The following NR3C2 variants were observed in gnomAD, a reference collection of about 807,000 sequenced individuals.
NR3C2 encodes mineralocorticoid receptor.
Under a neutral mutation model 86.4 loss-of-function variants are expected in NR3C2, and 15 were observed. That is an observed-to-expected ratio of 0.17 (90% CI 0.12 to 0.27). NR3C2 has a LOEUF of 0.27. Among genes scored for constraint, NR3C2 ranks in the 10% least tolerant of loss-of-function variants. The pLI is 1.00. For synonymous variants in NR3C2, 458 were observed against 450.5 expected (o/e 1.02, Z -0.21); for missense variants, 960 against 1,195.6 (o/e 0.80, Z 2.91).
At position 148,106,710 on chromosome 4, in the gene NR3C2, C is replaced by T. The variant is rs867958542; in HGVS notation, c.2799+7394G>A. Among the ~76,000 whole-genome samples the T allele has an allele frequency of 3.3e-5, 5 of 152,248 alleles. No individual in the cohort carries two copies. The South Asian group carries it at 1.0e-3, about 32-fold the overall frequency. ...AACAGAAACCTCAGAAATAACACTG[C>T]ACATCTACAACCATCTTTTGACCAA... On this transcript the variant is annotated intron_variant, in intron 8 of 8. Transcript: ENST00000358102.
intron 2 of NR3C2, among the ~76,000 whole-genome samples, chr4:148,329,925 GC>G (rs1224749439): frequency 6.6e-6 from 1 of 152,156 alleles, no homozygotes; most frequent in African/African-American, 2.4e-5. Context: ...TGGGTTGTTC[GC>G]TCTAATCACT....
intron 2 of NR3C2, among the ~76,000 whole-genome samples, chr4:148,379,251 T>C (rs1033076385): frequency 1.8e-5 from 2 of 113,380 alleles, no homozygotes; most frequent in Non-Finnish European, 4.1e-5. Context: ...AAATCAAGTG[T>C]TTTTTTTTTT....
At chr4:148,377,055 A>C (rs1746714671) in intron 2 of NR3C2, among the ~76,000 whole-genome samples, 2 of 152,220 alleles carry the variant, frequency 1.3e-5, no homozygotes, top group South Asian at 4.1e-4. Flanking sequence ...TACCAATATA[A>C]AAGACAACAT....
At chr4:148,245,570 T>TAATA (rs1466859220) in intron 3 of NR3C2, among the ~76,000 whole-genome samples, 1 of 152,194 alleles carries the variant, frequency 6.6e-6, no homozygotes, top group East Asian at 1.9e-4. Flanking sequence ...CAGTAGCATT[T>TAATA]AATAAATGCT....
chr4:148,149,352 T>G (rs2149761568), intron 6 of NR3C2, among the ~76,000 whole-genome samples: 1 of 152,174 alleles, frequency 6.6e-6, no homozygotes, highest in East Asian at 1.9e-4. Context: ...ACCTTTTCTT[T>G]TTTTTTGTTT....
intron 2 of NR3C2, among the ~76,000 whole-genome samples, chr4:148,299,195 C>G (rs1742206927): frequency 6.6e-6 from 1 of 152,088 alleles, no homozygotes; most frequent in Admixed American, 6.5e-5. Context: ...ACACAAGAAC[C>G]TAGATTTTAG....
At chr4:148,310,026 A>G (rs889081599) in intron 2 of NR3C2, among the ~76,000 whole-genome samples, 1 of 152,246 alleles carries the variant, frequency 6.6e-6, no homozygotes, top group Non-Finnish European at 1.5e-5. Context: ...CTTAAAAAAA[A>G]CTATCCTACT....
intron 3 of NR3C2, among the ~76,000 whole-genome samples, chr4:148,246,585 CTT>C (rs1482906142): frequency 6.6e-6 from 1 of 152,106 alleles, no homozygotes; most frequent in Non-Finnish European, 1.5e-5. Flanking sequence ...GAGCGTCGCT[CTT>C]GTTGCCCAGG....
chr4:148,238,033 C>A (rs1045099111), intron 3 of NR3C2, among the ~76,000 whole-genome samples: 5 of 152,262 alleles, frequency 3.3e-5, no homozygotes, highest in Middle Eastern at 3.4e-3. Context: ...AGGACGCCAT[C>A]AAATATGCTT....
At chr4:148,408,250 C>G (rs534169927) in intron 2 of NR3C2, among the ~76,000 whole-genome samples, 3 of 152,138 alleles carry the variant, frequency 2.0e-5, no homozygotes, top group Non-Finnish European at 4.4e-5. Context: ...AGGGGCCAAG[C>G]CAGGCCTCAA....
At chr4:148,442,626 C>G (rs957156533), upstream of NR3C2, 107 of 984,806 alleles carry the variant, frequency 1.1e-4, no homozygotes, top group Middle Eastern at 2.1e-3. Flanking sequence ...ACGGGTCAGG[C>G]GGGCTTCTTA....
At chr4:148,349,532 T>A (rs968070837) in intron 2 of NR3C2, among the ~76,000 whole-genome samples, 13 of 152,096 alleles carry the variant, frequency 8.5e-5, no homozygotes, top group African/African-American at 3.1e-4. Flanking sequence ...CCATAAAGGT[T>A]CCTACAAAAT....
chr4:148,373,058 A>G (rs1746496123), intron 2 of NR3C2, among the ~76,000 whole-genome samples: 1 of 152,212 alleles, frequency 6.6e-6, no homozygotes, highest in African/African-American at 2.4e-5. Context: ...TAATGGAATT[A>G]AACATTACTT....
In NR3C2 at chr4:148,081,905, G is replaced by A. The variant is rs577252769; in HGVS notation, c.2800-406C>T. On this transcript the variant is annotated intron_variant, in intron 8 of 8. Transcript: ENST00000358102. ...GGTGGGCTGGTGGGAAGGGGCAAGT[G>A]CTGGCCCAGGGTCTAAGCACCACAG... 1.1e-4 allele frequency among the ~76,000 whole-genome samples: 17 copies of A among 152,358 alleles called. No homozygotes were observed. The South Asian group carries it at 3.1e-3, about 28-fold the overall frequency.
intron 3 of NR3C2, among the ~76,000 whole-genome samples, chr4:148,215,184 C>A (rs1283492366): frequency 6.6e-6 from 1 of 152,196 alleles, no homozygotes; most frequent in East Asian, 1.9e-4. Context: ...AACAAGGCAT[C>A]CAGAATACAG....
intron 6 of NR3C2, among the ~76,000 whole-genome samples, chr4:148,129,895 G>C (rs1485262366): frequency 6.6e-6 from 1 of 152,134 alleles, no homozygotes; most frequent in Non-Finnish European, 1.5e-5. Context: ...ACCGCACCCA[G>C]CCTATACTTT....
intron 3 of NR3C2, among the ~76,000 whole-genome samples, chr4:148,242,954 A>C (rs1739132189): frequency 6.6e-6 from 1 of 152,108 alleles, no homozygotes. Flanking sequence ...ATTCTAATAA[A>C]GGTAGGAACG....
At chr4:148,314,323 C>A (rs1049748994) in intron 2 of NR3C2, among the ~76,000 whole-genome samples, 33 of 151,984 alleles carry the variant, frequency 2.2e-4, no homozygotes, top group South Asian at 2.1e-4. Flanking sequence ...TTTTCTGGTT[C>A]TGTGAAAAAC....
intron 2 of NR3C2, among the ~76,000 whole-genome samples, chr4:148,326,773 C>A (rs1452277687): frequency 6.6e-6 from 1 of 152,140 alleles, no homozygotes; most frequent in Non-Finnish European, 1.5e-5. Flanking sequence ...CCACTACTAA[C>A]AATGTCTTCC....
Sources: gnomAD v4.1 joint callset for allele counts (sites outside exome capture counted in the v4.1 genomes callset) on GRCh38, gnomAD v4.1.1 for gene constraint, MANE v1.5 for transcripts, NCBI Gene and HGNC (gene_info 2026-07-23, HGNC 2026-07-21) for gene names.